The following GPC5 variants were observed in gnomAD, a reference collection of about 807,000 sequenced individuals.
GPC5 encodes the protein glypican-5.
Under a neutral mutation model 53.9 loss-of-function variants are expected in GPC5, and 47 were observed. That is an observed-to-expected ratio of 0.87 (90% CI 0.69 to 1.11). The LOEUF is 1.11. GPC5 is among the 50% of genes most tolerant of loss of function. GPC5 has a pLI of 0.00. For synonymous variants in GPC5, 286 were observed against 263.3 expected (o/e 1.09, Z -0.84); for missense variants, 748 against 713.1 (o/e 1.05, Z -0.56).
At chr13:92,139,666 C>CAAA (rs5805729) in intron 6 of GPC5, among the ~76,000 whole-genome samples, 11,608 of 93,864 alleles carry the variant, frequency 0.12, 1,625 homozygotes, top group African/African-American at 0.3. Context: ...GATTCCGTCT[C>CAAA]AAAAAAAAAA....
At chr13:91,576,212 A>ATTGT (rs1407508133) in intron 2 of GPC5, among the ~76,000 whole-genome samples, 11 of 152,086 alleles carry the variant, frequency 7.2e-5, no homozygotes, top group African/African-American at 2.4e-4. Flanking sequence ...GACTAATAGC[A>ATTGT]ATGTATTGTA....
intron 7 of GPC5, among the ~76,000 whole-genome samples, chr13:92,608,406 G>C (rs367752480): frequency 1.1e-4 from 17 of 152,266 alleles, no homozygotes; most frequent in African/African-American, 3.6e-4. Context: ...TCTTGTCTAG[G>C]AGTACTTTAT....
chr13:91,862,528 C>T (rs964149677), intron 5 of GPC5, among the ~76,000 whole-genome samples: 2 of 152,074 alleles, frequency 1.3e-5, no homozygotes, highest in African/African-American at 4.8e-5. Context: ...TTATATGGCC[C>T]AAATGTCAAA....
chr13:92,389,825 T>TA (rs1566570209), intron 7 of GPC5, among the ~76,000 whole-genome samples: 1 of 152,192 alleles, frequency 6.6e-6, no homozygotes, highest in East Asian at 1.9e-4. Flanking sequence ...TACAGAAATG[T>TA]AAAATATTAT....
chr13:91,694,636 A>T (rs1224077984), intron 3 of GPC5, among the ~76,000 whole-genome samples: 4 of 152,206 alleles, frequency 2.6e-5, no homozygotes, highest in African/African-American at 4.8e-5. Context: ...CATATCCCAG[A>T]GTGAAATAGG....
chr13:91,728,996 G>A (rs995903186), intron 4 of GPC5, among the ~76,000 whole-genome samples: 18 of 152,166 alleles, frequency 1.2e-4, no homozygotes, highest in Admixed American at 1.2e-3. Context: ...AATTGTAAAT[G>A]TGGCTAGTGG....
chr13:91,515,609 A>G (rs1023369565), intron 2 of GPC5, among the ~76,000 whole-genome samples: 3 of 152,190 alleles, frequency 2.0e-5, no homozygotes, highest in Admixed American at 1.3e-4. Context: ...ATACCTTTCT[A>G]TGGTACATGA....
intron 6 of GPC5, among the ~76,000 whole-genome samples, chr13:91,939,622 A>C (rs920570723): frequency 6.6e-6 from 1 of 152,150 alleles, no homozygotes; most frequent in Non-Finnish European, 1.5e-5. Flanking sequence ...AAGTGACCTC[A>C]TCAGATTTAC....
At chr13:91,858,655 G>A (rs554224887) in intron 5 of GPC5, among the ~76,000 whole-genome samples, 2 of 151,848 alleles carry the variant, frequency 1.3e-5, no homozygotes, top group African/African-American at 2.4e-5. Context: ...TGGTATCAGA[G>A]TAATAATGGC....
intron 3 of GPC5, among the ~76,000 whole-genome samples, chr13:91,705,677 G>A (rs1184210139): frequency 1.4e-5 from 2 of 147,538 alleles, no homozygotes; most frequent in Non-Finnish European, 3.0e-5. Flanking sequence ...CTTGGGTGGA[G>A]AAGGACTCTA....
intron 2 of GPC5, among the ~76,000 whole-genome samples, chr13:91,491,428 C>A (rs1883937385): frequency 6.6e-6 from 1 of 152,146 alleles, no homozygotes; most frequent in Non-Finnish European, 1.5e-5. Flanking sequence ...TATTCTAGAA[C>A]CACATGTCCC....
rs28540075 is a variant in GPC5 at position 91,438,966 on chromosome 13, C to T, written c.164-9795C>T. ...GGCGTAGGACCCTCCGAGCCAGGTG[C>T]GGGATATAATCTCCTGGTGTGCTGT... is the stretch of plus-strand genomic sequence containing the variant. On this transcript the variant is annotated intron_variant, in intron 1 of 7. Coordinates refer to ENST00000377067, the MANE Select transcript of GPC5 (RefSeq NM_004466.6). Among the ~76,000 whole-genome samples the T allele has an allele frequency of 8.9e-3, 1,351 of 152,310 alleles. 23 individuals carry two copies. The highest frequency in any genetic ancestry group is 0.079 in the South Asian group (383 of 4,830).
chr13:91,801,893 G>A (rs931416870), intron 5 of GPC5, among the ~76,000 whole-genome samples: 1 of 152,144 alleles, frequency 6.6e-6, no homozygotes, highest in African/African-American at 2.4e-5. Flanking sequence ...ACAGCTCTCT[G>A]TGGCTAGGCA....
intron 7 of GPC5, among the ~76,000 whole-genome samples, chr13:92,469,621 T>C (rs1293034281): frequency 6.6e-6 from 1 of 152,092 alleles, no homozygotes; most frequent in African/African-American, 2.4e-5. Flanking sequence ...AAGCCTTAAA[T>C]CTTGTCTGTA....
At chr13:92,495,601 C>T (rs1201480149) in intron 7 of GPC5, among the ~76,000 whole-genome samples, 1 of 149,728 alleles carries the variant, frequency 6.7e-6, no homozygotes, top group Non-Finnish European at 1.5e-5. Context: ...AACAACAGGC[C>T]TATCATTACA....
chr13:92,379,096 T>C (rs1015434067), intron 7 of GPC5, among the ~76,000 whole-genome samples: 1 of 152,198 alleles, frequency 6.6e-6, no homozygotes, highest in Non-Finnish European at 1.5e-5. Context: ...CAAAGATTAC[T>C]TGTGAAACCA....
intron 5 of GPC5, among the ~76,000 whole-genome samples, chr13:91,770,704 T>TTGTGTGTGTGTGTGTGTGTGTGTG (rs71113759): frequency 1.2e-4 from 17 of 145,552 alleles, no homozygotes; most frequent in Admixed American, 2.1e-4. Context: ...GACTGTGTGT[T>TTGTGTGTGTGTGTGTGTGTGTGTG]TGTGTGTGTG....
chr13:91,649,438 A>T (rs1207559484), intron 2 of GPC5, among the ~76,000 whole-genome samples: 3 of 152,184 alleles, frequency 2.0e-5, no homozygotes, highest in Non-Finnish European at 2.9e-5. Context: ...CTTATTCAGC[A>T]CAGTGTCCAG....
At chr13:91,777,062 A>G (rs1458509668) in intron 5 of GPC5, among the ~76,000 whole-genome samples, 1 of 152,192 alleles carries the variant, frequency 6.6e-6, no homozygotes, top group Non-Finnish European at 1.5e-5. Flanking sequence ...ATTATCCTAT[A>G]AACAATCAAA....
Sources: allele counts gnomAD v4.1 joint callset (sites outside exome capture counted in the v4.1 genomes callset), GRCh38; gene constraint gnomAD v4.1.1; transcripts MANE v1.5; gene names NCBI Gene and HGNC (gene_info 2026-07-23, HGNC 2026-07-21).